ITGAE: variants seen among roughly 807,000 people sequenced by gnomAD.
The protein encoded by ITGAE is integrin subunit alpha E, also known as integrin alpha-E.
Under a neutral mutation model 136.5 loss-of-function variants are expected in ITGAE, and 99 were observed. That is an observed-to-expected ratio of 0.73 (90% confidence interval 0.62 to 0.86). The LOEUF (loss-of-function observed/expected upper bound fraction) is 0.86, where lower values mean the gene tolerates loss of function less well. ITGAE is among the 40% of genes least tolerant of loss of function. The pLI is 0.00. For missense variants in ITGAE, 1,447 were observed against 1,515.3 expected (o/e 0.95, Z 0.75); for synonymous variants, 613 against 591.8 (o/e 1.04, Z -0.52).
At chr17:3,746,542 G>A (rs1435511907) in intron 17 of ITGAE, among the ~76,000 whole-genome samples, 5 of 150,410 alleles carry the variant, frequency 3.3e-5, no homozygotes, top group East Asian at 2.0e-4. Context: ...TGCAAGCTCC[G>A]CCTCCCGGGT....
chr17:3,782,338 CTAGTGTGTGTGTGTG>C (rs71381508), intron 1 of ITGAE, among the ~76,000 whole-genome samples: 6,284 of 127,330 alleles, frequency 0.049, 206 homozygotes, highest in South Asian at 0.13. Flanking sequence ...GCTTAAATCT[CTAGTGTGTGTGTGTG>C]TGTGTGTGTG....
Position 3,725,412 on chromosome 17 carries a change from G to A in ITGAE, c.3085-1668C>T, listed in dbSNP as rs575387489. ...GCAACGCTGTGAGAAGATTGGGGAA[G>A]GGGTGTTTGGCGAAGTGTTTCAAAC... On this transcript the variant is annotated intron_variant, in intron 26 of 30. Transcript: ENST00000263087. 4 of 1,614,104 alleles carry A rather than the reference G, an allele frequency of 2.5e-6. No homozygotes were observed. In the South Asian group the frequency reaches 4.4e-5, roughly 18 times the overall value.
chr17:3,755,779 T>C, intron 11 of ITGAE, 51 bp downstream of exon 11: 1 of 1,514,498 alleles, frequency 6.6e-7, no homozygotes, highest in Middle Eastern at 2.3e-4. Context: ...CTAGGTGTCC[T>C]GGGCCCCTCA....
intron 2 of ITGAE, among the ~76,000 whole-genome samples, chr17:3,766,228 C>T (rs1271907838): frequency 6.6e-6 from 1 of 152,120 alleles, no homozygotes; most frequent in Non-Finnish European, 1.5e-5. Context: ...GGAGGCCTCT[C>T]CCATCCCAGA....
chr17:3,796,060 T>C (rs975706969), intron 1 of ITGAE, among the ~76,000 whole-genome samples: 5 of 121,206 alleles, frequency 4.1e-5, no homozygotes, highest in East Asian at 2.1e-4. Flanking sequence ...TCTGTGTGTG[T>C]GCATCCGTGT....
At chr17:3,800,461 T>C (rs1567569792) in intron 1 of ITGAE, among the ~76,000 whole-genome samples, 1 of 152,188 alleles carries the variant, frequency 6.6e-6, no homozygotes, top group East Asian at 1.9e-4. Flanking sequence ...GACCGTGCTG[T>C]CTCATCACAG....
chr17:3,789,457 C>A (rs1431570319), intron 1 of ITGAE, among the ~76,000 whole-genome samples: 1 of 148,814 alleles, frequency 6.7e-6, no homozygotes, highest in African/African-American at 2.5e-5. Context: ...CTTCCTCCCC[C>A]CTCCCTCCCT....
intron 1 of ITGAE, among the ~76,000 whole-genome samples, chr17:3,791,172 A>T (rs1464576594): frequency 6.9e-6 from 1 of 145,094 alleles, no homozygotes; most frequent in Non-Finnish European, 1.5e-5. Flanking sequence ...AAAAAAAAAA[A>T]GACATTTTGA....
intron 1 of ITGAE, among the ~76,000 whole-genome samples, chr17:3,782,995 T>A (rs1172738383): frequency 1.3e-5 from 2 of 152,212 alleles, no homozygotes; most frequent in East Asian, 3.8e-4. Context: ...CTTTTGCTGA[T>A]GTATGTCGAT....
intron 26 of ITGAE, chr17:3,724,689 G>C: frequency 6.2e-7 from 1 of 1,614,212 alleles, no homozygotes; most frequent in Non-Finnish European, 8.5e-7. Context: ...TATGAACTCA[G>C]GAACCCCTGA....
chr17:3,756,119 A>C (rs2052016899), intron 10 of ITGAE, among the ~76,000 whole-genome samples: 1 of 150,910 alleles, frequency 6.6e-6, no homozygotes, highest in African/African-American at 2.4e-5. Context: ...AGCTCCTGGG[A>C]GAAGGGACTA....
chr17:3,795,743 A>G (rs998264687), intron 1 of ITGAE, among the ~76,000 whole-genome samples: 5 of 152,184 alleles, frequency 3.3e-5, no homozygotes, highest in Non-Finnish European at 7.3e-5. Flanking sequence ...AGCCTGCCGC[A>G]GAGGCACGGT....
chr17:3,787,271 C>T (rs1447146609), intron 1 of ITGAE, among the ~76,000 whole-genome samples: 2 of 151,958 alleles, frequency 1.3e-5, no homozygotes, highest in Non-Finnish European at 2.9e-5. Flanking sequence ...GCCACCACAC[C>T]CGCCTAAGTT....
intron 2 of ITGAE, among the ~76,000 whole-genome samples, chr17:3,775,026 G>A (rs1044905180): frequency 6.0e-5 from 9 of 150,836 alleles, no homozygotes; most frequent in East Asian, 2.0e-4. Flanking sequence ...CTGCAGCCTC[G>A]ACTCACCCGC....
chr17:3,721,998 G>A (rs1253518041), intron 28 of ITGAE, among the ~76,000 whole-genome samples: 3 of 152,068 alleles, frequency 2.0e-5, no homozygotes, highest in Non-Finnish European at 2.9e-5. Flanking sequence ...TCACCAACAT[G>A]GAGAAACCCC....
intron 1 of ITGAE, among the ~76,000 whole-genome samples, chr17:3,782,035 G>T (rs1473063681): frequency 6.6e-6 from 1 of 151,888 alleles, no homozygotes; most frequent in African/African-American, 2.4e-5. Flanking sequence ...CAACATTTTG[G>T]GAGGCTGAGG....
rs140426613 is a variant in ITGAE at position 3,769,786 on chromosome 17, T to A, written c.156-5826A>T. ...GCAACCTCCGCCTCCCTGGTTCAAG[T>A]GATTCTCCTGCCTTAGCCTCTGCCT... is the stretch of plus-strand genomic sequence containing the variant. On this transcript the variant is annotated intron_variant, in intron 2 of 30. Transcript: ENST00000263087. Among the ~76,000 whole-genome samples, 1,258 of 152,150 alleles carry A rather than the reference T, an allele frequency of 8.3e-3. 24 individuals are homozygous for A. Among genetic ancestry groups the A allele is most frequent in the African/African-American group, 0.029 (1,202 of 41,518 alleles).
chr17:3,774,017 C>G (rs2052485551), intron 2 of ITGAE, among the ~76,000 whole-genome samples: 1 of 152,134 alleles, frequency 6.6e-6, no homozygotes, highest in South Asian at 2.1e-4. Flanking sequence ...ATACATTTCA[C>G]AGTATCACAG....
chr17:3,783,647 A>C (rs553926763), intron 1 of ITGAE, among the ~76,000 whole-genome samples: 1 of 152,314 alleles, frequency 6.6e-6, no homozygotes, highest in Admixed American at 6.5e-5. Flanking sequence ...AATTTTTTTA[A>C]TGAAATTGAT....
Sources: allele counts gnomAD v4.1 joint callset (sites outside exome capture counted in the v4.1 genomes callset), GRCh38; gene constraint gnomAD v4.1.1; transcripts MANE v1.5; gene names NCBI Gene and HGNC (gene_info 2026-07-23, HGNC 2026-07-21).